The following CXXC5 variants were observed in gnomAD, a reference collection of about 807,000 sequenced individuals.
CXXC5 encodes the protein CXXC-type zinc finger protein 5.
A neutral mutation model predicts 17.6 loss-of-function variants in CXXC5; 2 were observed. That is an observed-to-expected ratio of 0.11 (90% CI 0.05 to 0.36). CXXC5 has a LOEUF of 0.36. Ranked by LOEUF, CXXC5 falls within the 10% of genes least tolerant of loss-of-function variation. The probability of loss-of-function intolerance (pLI) is 1.00; values close to 1 mark genes in which losing one functional copy is unlikely to be tolerated. For synonymous variants in CXXC5, 171 were observed against 193.0 expected, an observed-to-expected ratio of 0.89 and a Z score of 0.94; for missense variants, 343 against 458.3, an observed-to-expected ratio of 0.75 and a Z score of 2.30.
At chr5:139,665,295 G>A (rs1239234339) in intron 1 of CXXC5, among the ~76,000 whole-genome samples, 1 of 152,268 alleles carries the variant, frequency 6.6e-6, no homozygotes, top group Non-Finnish European at 1.5e-5. Flanking sequence ...CAGCCTCGCG[G>A]TGCTTGTGCT....
chr5:139,672,901 CACAA>C (rs1756564904), intron 1 of CXXC5, among the ~76,000 whole-genome samples: 1 of 152,174 alleles, frequency 6.6e-6, no homozygotes, highest in Admixed American at 6.5e-5. Flanking sequence ...ACCCCAGACA[CACAA>C]ACACACCCCA....
rs910615601 is a variant in CXXC5 at position 139,661,966 on chromosome 5, A to T, written c.-161+13121A>T. On this transcript the variant is annotated intron_variant, in intron 1 of 2. Coordinates refer to ENST00000302517, the MANE Select transcript of CXXC5 (RefSeq NM_016463.9). This position sits in a 1 kb window ranked among gnomAD's most constrained non-coding sequence, Gnocchi z 4.7. ...AGTGGGTTGGGTACATGGGGGAGAG[A>T]TACAGGGGAGCTGGGAAAAGGAAAG... Among the ~76,000 whole-genome samples the T allele has an allele frequency of 5.9e-5, 9 of 152,220 alleles. No individual in the cohort carries two copies. The highest frequency in any genetic ancestry group is 2.6e-4 in the Admixed American group (4 of 15,290).
chr5:139,678,984 C>T lies in CXXC5; in HGVS notation c.-160-1380C>T, dbSNP rs570199682. ...CCAGTCCCTTCAGCTGAGGAGGCAGCTCAGACGCCTTAGCCTTGAAACCTG... is the reference window on the plus strand; with the variant it reads ...CCAGTCCCTTCAGCTGAGGAGGCAGTTCAGACGCCTTAGCCTTGAAACCTG... On this transcript the variant is annotated intron_variant, in intron 1 of 2. Transcript: ENST00000302517. 6.6e-5 allele frequency among the ~76,000 whole-genome samples: 10 copies of T among 152,346 alleles called. No individual in the cohort carries two copies. The East Asian group carries it at 1.9e-3, about 29-fold the overall frequency.
chr5:139,647,629 C>A (rs146782596), upstream of CXXC5, among the ~76,000 whole-genome samples: 1 of 152,270 alleles, frequency 6.6e-6, no homozygotes, highest in African/African-American at 2.4e-5. Context: ...AGCATTGTTT[C>A]GGGTTTTGAG....
chr5:139,659,715 G>C (rs753883876), intron 1 of CXXC5: 1 of 152,226 alleles, frequency 6.6e-6, no homozygotes, highest in Non-Finnish European at 1.5e-5. Flanking sequence ...GGCAGTGGGG[G>C]TGTCGGCAGC....
intron 1 of CXXC5, among the ~76,000 whole-genome samples, chr5:139,667,820 C>T (rs1488093653): frequency 6.6e-6 from 1 of 152,154 alleles, no homozygotes; most frequent in Non-Finnish European, 1.5e-5. Flanking sequence ...AGAGATCACG[C>T]ATATGTTGTT....
At chr5:139,667,437 G>A (rs1020467996) in intron 1 of CXXC5, among the ~76,000 whole-genome samples, 2 of 152,222 alleles carry the variant, frequency 1.3e-5, no homozygotes, top group Non-Finnish European at 2.9e-5. Context: ...CACTGGGTTA[G>A]CACTCAATGT....
intron 1 of CXXC5, among the ~76,000 whole-genome samples, chr5:139,669,746 TAC>T (rs1195360777): frequency 3.3e-5 from 5 of 151,314 alleles, no homozygotes; most frequent in Non-Finnish European, 7.4e-5. Flanking sequence ...ACAGCCAAGC[TAC>T]ACACACACAC....
chr5:139,665,144 G>A (rs946559233), intron 1 of CXXC5, among the ~76,000 whole-genome samples: 1 of 152,226 alleles, frequency 6.6e-6, no homozygotes, highest in African/African-American at 2.4e-5. Flanking sequence ...CCTGCTGGGC[G>A]GGCAGGGGGG....
intron 1 of CXXC5, among the ~76,000 whole-genome samples, chr5:139,652,169 C>CGTGTGTGTGT (rs1223071797): frequency 7.1e-6 from 1 of 140,018 alleles, no homozygotes; most frequent in African/African-American, 2.7e-5. Context: ...CGCGCGCGCG[C>CGTGTGTGTGT]GCGTGTGTGT....
chr5:139,664,465 G>A (rs1244578927), intron 1 of CXXC5, among the ~76,000 whole-genome samples: 2 of 152,174 alleles, frequency 1.3e-5, no homozygotes, highest in African/African-American at 2.4e-5. Context: ...CCATCCCGTG[G>A]TCCGTGTGTC....
rs571349604 is a variant in CXXC5, at chr5:139,661,609, T to C, written c.-161+12764T>C. Among the ~76,000 whole-genome samples the C allele has an allele frequency of 1.5e-4, 23 of 152,270 alleles. No homozygotes were observed. Among genetic ancestry groups the C allele is most frequent in the African/African-American group, 3.6e-4 (15 of 41,560 alleles). On this transcript the variant is annotated intron_variant, in intron 1 of 2. Transcript: ENST00000302517. This position sits in a 1 kb window ranked among gnomAD's most constrained non-coding sequence, Gnocchi z 4.7. ...GCACACATAGGCCACTCTCACCCCATTGGCCCCACACACTGGGGCCTGATC... is the reference window on the plus strand; with the variant it reads ...GCACACATAGGCCACTCTCACCCCACTGGCCCCACACACTGGGGCCTGATC...
chr5:139,651,834 A>T (rs1371917140), intron 1 of CXXC5, among the ~76,000 whole-genome samples: 1 of 152,118 alleles, frequency 6.6e-6, no homozygotes, highest in Non-Finnish European at 1.5e-5. Flanking sequence ...AACAAGCATG[A>T]TGCTCTGGGG....
intron 1 of CXXC5, among the ~76,000 whole-genome samples, chr5:139,652,620 C>G (rs1012452830): frequency 6.6e-6 from 1 of 152,310 alleles, no homozygotes; most frequent in African/African-American, 2.4e-5. Context: ...TGTTGAATGT[C>G]TGTCTCAGGG....
In CXXC5 at chr5:139,668,413, G is replaced by A. The variant is rs1376904167; in HGVS notation, c.-160-11951G>A. 2.6e-5 allele frequency among the ~76,000 whole-genome samples: 4 copies of A among 151,928 alleles called. No individual in the cohort carries two copies. The highest frequency in any genetic ancestry group is 2.9e-5 in the Non-Finnish European group (2 of 67,950). ...CGCGGCTCTGGCGGCCGCGTCTGCCGCCCCGGCGCCCGCCCGGGTCCCAGG... is the reference window on the plus strand; with the variant it reads ...CGCGGCTCTGGCGGCCGCGTCTGCCACCCCGGCGCCCGCCCGGGTCCCAGG... On this transcript the variant is annotated intron_variant, in intron 1 of 2. Transcript: ENST00000302517. This position sits in a 1 kb window ranked among gnomAD's most constrained non-coding sequence, Gnocchi z 4.1.
At chr5:139,677,937 G>A (rs1482296249) in intron 1 of CXXC5, among the ~76,000 whole-genome samples, 3 of 152,270 alleles carry the variant, frequency 2.0e-5, no homozygotes, top group Non-Finnish European at 2.9e-5. Flanking sequence ...GGAGCTGGGA[G>A]GAGGGAGGGG....
At position 139,661,381 on chromosome 5, in the gene CXXC5, C is replaced by T. The variant is rs541173856; in HGVS notation, c.-161+12536C>T. ...CACACACTTAGGACAGACACAGTCA[C>T]TTGCAGCACACGTAGTTCCACACGA... On this transcript the variant is annotated intron_variant, in intron 1 of 2. Transcript: ENST00000302517. This position sits in a 1 kb window ranked among gnomAD's most constrained non-coding sequence, Gnocchi z 4.7. 6.6e-6 allele frequency among the ~76,000 whole-genome samples: 1 copy of T among 152,250 alleles called. No individual in the cohort carries two copies. Among genetic ancestry groups the T allele is most frequent in the Non-Finnish European group, 1.5e-5 (1 of 68,014 alleles).
At chr5:139,649,218 G>C (rs1382138751) in intron 1 of CXXC5, 1 of 152,352 alleles carries the variant, frequency 6.6e-6, no homozygotes, top group African/African-American at 2.4e-5. Context: ...TAGGGTCTGG[G>C]ACGGCGGCTT....
rs374320573 is a variant in CXXC5, at chr5:139,677,217, G to A, written c.-160-3147G>A. The stretch of plus-strand genomic sequence containing the variant: ...AGGGCCGATGATGGATGCGCCCGCC[G>A]CCGCCCGCCTGCCCGCCAGCTTTCC... On this transcript the variant is annotated intron_variant, in intron 1 of 2. Coordinates refer to ENST00000302517, the MANE Select transcript of CXXC5 (RefSeq NM_016463.9). Among the ~76,000 whole-genome samples the A allele has an allele frequency of 3.3e-5, 5 of 151,776 alleles. No individual in the cohort carries two copies. In the East Asian group the frequency reaches 9.7e-4, roughly 29 times the overall value.
Sources: allele counts gnomAD v4.1 joint callset (sites outside exome capture counted in the v4.1 genomes callset), GRCh38; gene constraint gnomAD v4.1.1; non-coding constraint Gnocchi (gnomAD v3.1); transcripts MANE v1.5; gene names NCBI Gene and HGNC (gene_info 2026-07-23, HGNC 2026-07-21).